MATK: variants seen among roughly 807,000 people sequenced by gnomAD.
MATK encodes megakaryocyte-associated tyrosine kinase, also known as megakaryocyte-associated tyrosine-protein kinase.
In MATK, 41 loss-of-function variants were observed where a neutral mutation model predicts 59.8. The observed-to-expected ratio is 0.69, with a 90% CI of 0.53 to 0.89. The LOEUF is 0.89. Among genes scored for constraint, MATK ranks in the 40% least tolerant of loss-of-function variants. The pLI, the probability that MATK is intolerant of heterozygous loss-of-function variation, is 0.00. For missense variants in MATK, 593 were observed against 719.6 expected, an observed-to-expected ratio of 0.82 and a Z score of 2.01; for synonymous variants, 308 against 306.1, an observed-to-expected ratio of 1.01 and a Z score of -0.06.
Position 3,783,116 on chromosome 19 carries a change from C to T in MATK, c.676+10G>A, listed in dbSNP as rs772699975. On this transcript the variant is annotated intron_variant, in intron 7 of 13. Coordinates refer to ENST00000310132, the MANE Select transcript of MATK (RefSeq NM_139355.3). ...AGGGAAGGGGGTCTGCCCTCCTGGG[C>T]GTCCCCTACCCCTGGCCAGCTCCTC... is the stretch of plus-strand genomic sequence containing the variant. 5.3e-5 allele frequency: 86 copies of T among 1,613,186 alleles called. No individual in the cohort carries two copies. The highest frequency in any genetic ancestry group is 7.0e-5 in the Non-Finnish European group (83 of 1,179,656).
Position 3,785,407 on chromosome 19 carries a change from C to T in MATK, c.-151-121G>A, listed in dbSNP as rs1302725278. 5.0e-6 allele frequency: 3 copies of T among 602,270 alleles called. No individual in the cohort carries two copies. The African/African-American group carries it at 5.6e-5, about 11-fold the overall frequency. The allele number at this position is 602,270 out of a possible 1,614,324, so 37.3% of individuals were successfully genotyped here. On this transcript the variant is annotated intron_variant, in intron 1 of 13. Transcript: ENST00000310132. ...GGTCCTGTAGCCCTGCTGGGCTCCT[C>T]CGGCCACCCGCTGAGCCTCTCTGAT...
intron 1 of MATK, among the ~76,000 whole-genome samples, chr19:3,797,007 C>A (rs2037601321): frequency 6.6e-6 from 1 of 151,910 alleles, no homozygotes; most frequent in Admixed American, 6.6e-5. Flanking sequence ...CTTCTTGTTC[C>A]CTACATCCTG....
chr19:3,778,617 T>A, intron 12 of MATK, 22 bp from the exon 13 acceptor site: 2 of 1,593,632 alleles, frequency 1.3e-6, no homozygotes, highest in Non-Finnish European at 1.7e-6. Context: ...GAGACGGGGG[T>A]GAGGAGGGAC....
chr19:3,793,074 T>C (rs911776052), intron 1 of MATK: 2 of 152,226 alleles, frequency 1.3e-5, no homozygotes, highest in Non-Finnish European at 2.9e-5. Flanking sequence ...CATCACTCAT[T>C]CTGCAACCAG....
At chr19:3,795,295 C>G (rs1247966422) in intron 1 of MATK, among the ~76,000 whole-genome samples, 1 of 120,508 alleles carries the variant, frequency 8.3e-6, no homozygotes, top group African/African-American at 3.0e-5. Flanking sequence ...TTTTTTGAGA[C>G]AGAGTCTCAC....
In MATK at chr19:3,785,263, A is replaced by G. The variant is rs775539217; in HGVS notation, c.-128T>C. On this transcript the variant is annotated 5_prime_UTR_variant, in exon 2 of 14. Transcript: ENST00000310132. ...GAGGTAGGGAGCTGGGTGCCACTGGACCGAGCCTGGTTCTTCCTGTTTTCT... is the reference window on the plus strand; with the variant it reads ...GAGGTAGGGAGCTGGGTGCCACTGGGCCGAGCCTGGTTCTTCCTGTTTTCT... 1.3e-6 allele frequency: 2 copies of G among 1,540,744 alleles called. No homozygotes were observed. The highest frequency in any genetic ancestry group is 2.3e-5 in the South Asian group (2 of 85,652).
chr19:3,786,897 G>C (rs2037491992), upstream of MATK, among the ~76,000 whole-genome samples: 1 of 152,078 alleles, frequency 6.6e-6, no homozygotes, highest in Non-Finnish European at 1.5e-5. This position sits in a 1 kb window ranked among gnomAD's most constrained non-coding sequence, Gnocchi z 4.1. Context: ...AGGGTAAAAG[G>C]GGGGCCTGGG....
At chr19:3,799,424 T>C (rs1172436020) in intron 1 of MATK, among the ~76,000 whole-genome samples, 2 of 152,240 alleles carry the variant, frequency 1.3e-5, no homozygotes, top group Non-Finnish European at 2.9e-5. Context: ...GAGTGTTTGC[T>C]GATTGTCTAT....
At position 3,780,233 on chromosome 19, in the gene MATK, T is replaced by C. The variant is rs1285791481; in HGVS notation, c.743-436A>G. 9.2e-5 allele frequency among the ~76,000 whole-genome samples: 14 copies of C among 151,766 alleles called. 2 individuals carry two copies. The South Asian group carries it at 1.9e-3, about 20-fold the overall frequency. The stretch of plus-strand genomic sequence containing the variant: ...AGGCAGAGGTTGCAGTGAGCCAAGA[T>C]TGTGCCATTGCACTCCAGCCTGGGT... On this transcript the variant is annotated intron_variant, in intron 8 of 13. Coordinates refer to ENST00000310132, the MANE Select transcript of MATK (RefSeq NM_139355.3).
chr19:3,797,646 G>A (rs2037608228), intron 1 of MATK, among the ~76,000 whole-genome samples: 1 of 151,918 alleles, frequency 6.6e-6, no homozygotes, highest in South Asian at 2.1e-4. Flanking sequence ...CTCTTTAAAG[G>A]ACAAACTTGG....
upstream of MATK, chr19:3,789,517 G>A: frequency 5.6e-6 from 3 of 531,462 alleles, no homozygotes; most frequent in East Asian, 9.3e-5. Context: ...GCCCAGAGAA[G>A]GGCGGACTTA....
At position 3,786,320 on chromosome 19, in the gene MATK, G is replaced by A. The variant is rs891412319; in HGVS notation, c.-303C>T. On this transcript the variant is annotated 5_prime_UTR_variant, in exon 1 of 14. Coordinates refer to ENST00000310132, the MANE Select transcript of MATK (RefSeq NM_139355.3). The surrounding 1 kb of genome is among the most constrained non-coding windows in gnomAD (Gnocchi z 4.1). Reference sequence around the variant, plus strand: ...TGGGGGCGAAGAAGGGTCGGGGAGTGGGGGAAAGCGGGAGGCGCCGCGGCC... The same window carrying A: ...TGGGGGCGAAGAAGGGTCGGGGAGTAGGGGAAAGCGGGAGGCGCCGCGGCC... The A allele has an allele frequency of 4.1e-6, 4 of 984,622 alleles. No homozygotes were observed. The African/African-American group carries it at 5.2e-5, about 13-fold the overall frequency. 61.0% of individuals were successfully genotyped at this position (984,622 alleles called of 1,614,324 possible).
intron 1 of MATK, among the ~76,000 whole-genome samples, chr19:3,799,603 G>C (rs188558489): frequency 1.0e-3 from 157 of 152,254 alleles, no homozygotes; most frequent in African/African-American, 3.6e-3. Context: ...ACTTTGGGAG[G>C]CTGAGGCAGG....
upstream of MATK, among the ~76,000 whole-genome samples, chr19:3,788,140 A>ATATT (rs1251871288): frequency 2.1e-5 from 3 of 145,512 alleles, no homozygotes; most frequent in South Asian, 2.2e-4. Flanking sequence ...ATATTATATT[A>ATATT]TATTATATAC....
At chr19:3,783,022 G>A in intron 7 of MATK, 104 bp downstream of exon 7, 2 of 1,010,122 alleles carry the variant, frequency 2.0e-6, no homozygotes, top group South Asian at 2.7e-5. Flanking sequence ...ATGGAGACAG[G>A]CTTGGGTGAT....
In MATK at chr19:3,778,326, A is replaced by C; in HGVS notation, c.1381T>G (p.Trp461Gly). Residue 461 changes from tryptophan to glycine, a missense_variant, in exon 14 of 14, where the codon TGG (tryptophan) becomes GGG (glycine). Trp to Gly is a radical substitution (Grantham distance 184). Transcript: ENST00000310132. The stretch of plus-strand genomic sequence containing the variant: ...GGCCGGCGGGCGGGCTCTGCCTCCC[A>C]GCAGCTGCTCATGAGGACGTGCACG... The part of the protein sequence containing the change: ...GPVHVLMSSC[W>G]EAEPARRPPF... The C allele has an allele frequency of 6.3e-7, 1 of 1,577,532 alleles. No individual in the cohort carries two copies. Among genetic ancestry groups the C allele is most frequent in the Non-Finnish European group, 8.6e-7 (1 of 1,165,762 alleles).
chr19:3,791,830 A>G (rs12463233), intron 1 of MATK, among the ~76,000 whole-genome samples: 137,052 of 152,038 alleles, frequency 0.9, 61,881 homozygotes, highest in Middle Eastern at 0.98. Flanking sequence ...AGCTGAGGCC[A>G]GGCACGGTGG....
chr19:3,785,129 C>T lies in MATK; in HGVS notation c.7G>A (p.Gly3Arg). MA[G>R]RGSLVSWRAF... The stretch of plus-strand genomic sequence containing the variant: ...CGCCAGGAAACCAGAGAGCCTCGCC[C>T]CGCCATCGCCCCCAGAGGGAAACTG... Residue 3 changes from glycine to arginine, a missense_variant, in exon 2 of 14, where the codon GGG becomes AGG. Transcript: ENST00000310132. 6.2e-7 allele frequency: 1 copy of T among 1,614,096 alleles called. No individual in the cohort carries two copies. The highest frequency in any genetic ancestry group is 8.5e-7 in the Non-Finnish European group (1 of 1,179,984).
At chr19:3,781,505 G>C (rs2082708033) in intron 8 of MATK, 102 bp downstream of exon 8, 2 of 1,213,582 alleles carry the variant, frequency 1.6e-6, no homozygotes, top group East Asian at 2.3e-5. Context: ...TGCACAACTA[G>C]TAGGTGGTTA....
Sources: allele counts gnomAD v4.1 joint callset (sites outside exome capture counted in the v4.1 genomes callset), GRCh38; gene constraint gnomAD v4.1.1; non-coding constraint Gnocchi (gnomAD v3.1); transcripts MANE v1.5; gene names NCBI Gene and HGNC (gene_info 2026-07-23, HGNC 2026-07-21).